Variants in CNOT2 observed in about 807,000 individuals in gnomAD.
CNOT2 encodes the protein CCR4-NOT transcription complex subunit 2.
CNOT2 carries 7 observed loss-of-function variants against 72.1 expected under a neutral mutation model. The ratio of observed to expected loss-of-function variants is 0.10; its 90% CI spans 0.06 to 0.18. CNOT2 has a LOEUF of 0.18. Among genes scored for constraint, CNOT2 ranks in the 10% least tolerant of loss-of-function variants. CNOT2 has a pLI of 1.00. For synonymous variants in CNOT2, 196 were observed against 225.6 expected, an observed-to-expected ratio of 0.87 and a Z score of 1.17; for missense variants, 345 against 660.3, an observed-to-expected ratio of 0.52 and a Z score of 5.23.
At chr12:70,246,768 C>T (rs1290904288) in intron 1 of CNOT2, among the ~76,000 whole-genome samples, 1 of 152,142 alleles carries the variant, frequency 6.6e-6, no homozygotes, top group Admixed American at 6.5e-5. Context: ...GAATTCAACT[C>T]TTATGACTAA....
In CNOT2 at chr12:70,354,694, G is replaced by A. The variant is rs955055519; in HGVS notation, c.*779G>A. On this transcript the variant is annotated 3_prime_UTR_variant, in exon 16 of 16. Transcript: ENST00000229195. ...ATGACATCTATTTTGGAAAATGTTT[G>A]CCCTGCTGTACCTCATTTTTAGGAG... The A allele has an allele frequency of 6.6e-6, 1 of 152,512 alleles. No individual in the cohort carries two copies. The highest frequency in any genetic ancestry group is 1.5e-5 in the Non-Finnish European group (1 of 68,024). The allele number at this position is 152,512 out of a possible 1,614,324, so 9.4% of individuals were successfully genotyped here. A position where few individuals can be genotyped will look rare whatever the true frequency, so the allele number is the denominator to read the frequency against.
rs561799312 is a variant in CNOT2, at chr12:70,307,256, C to G, written c.49-3639C>G. On this transcript the variant is annotated intron_variant, in intron 2 of 15. Coordinates refer to ENST00000229195, the MANE Select transcript of CNOT2 (RefSeq NM_014515.7). ...TACCGTAACTTTTTTACTTTATAAC[C>G]TTTTTAATTTTTTAAAATCTTTTGG... Among the ~76,000 whole-genome samples, 9 of 152,256 alleles carry G rather than the reference C, an allele frequency of 5.9e-5. No individual in the cohort carries two copies. In the East Asian group the frequency reaches 1.7e-3, roughly 29 times the overall value.
intron 2 of CNOT2, among the ~76,000 whole-genome samples, chr12:70,283,929 A>C (rs1477581321): frequency 1.5e-5 from 2 of 137,070 alleles, no homozygotes; most frequent in Non-Finnish European, 3.1e-5. Context: ...TCATGATGTA[A>C]ATTTTTTTTT....
At chr12:70,344,254 T>A in intron 14 of CNOT2, 26 bp downstream of exon 14, 1 of 1,420,864 alleles carries the variant, frequency 7.0e-7, no homozygotes, top group Non-Finnish European at 9.9e-7. Context: ...TTTAATCACT[T>A]TTGTATTATA....
chr12:70,325,572 C>A (rs879643381), intron 4 of CNOT2, among the ~76,000 whole-genome samples: 13 of 151,842 alleles, frequency 8.6e-5, no homozygotes, highest in African/African-American at 1.2e-4. Flanking sequence ...TTATCTGTAA[C>A]CTACTTGGAT....
At chr12:70,269,003 T>C (rs537116317) in intron 1 of CNOT2, among the ~76,000 whole-genome samples, 1 of 152,356 alleles carries the variant, frequency 6.6e-6, no homozygotes, top group African/African-American at 2.4e-5. Context: ...TCATTTTCTT[T>C]TTCAAAGTAG....
At chr12:70,294,307 T>A (rs908187374) in intron 2 of CNOT2, 1 of 1,289,098 alleles carries the variant, frequency 7.8e-7, no homozygotes. Flanking sequence ...AAGTATGTGG[T>A]GGGGAAAGCC....
chr12:70,353,746 A>G (rs1203367767), intron 15 of CNOT2, 83 bp from the exon 16 acceptor site: 1 of 1,553,052 alleles, frequency 6.4e-7, no homozygotes, highest in East Asian at 2.4e-5. Flanking sequence ...TGGGTATTTT[A>G]TTTATTTTTA....
At chr12:70,278,891 A>G (rs748754110) in intron 2 of CNOT2, among the ~76,000 whole-genome samples, 3 of 152,190 alleles carry the variant, frequency 2.0e-5, no homozygotes, top group Non-Finnish European at 4.4e-5. Flanking sequence ...CTGAGCTTTG[A>G]AAAGAAGGTG....
chr12:70,307,061 C>T (rs12298238), intron 2 of CNOT2, among the ~76,000 whole-genome samples: 2,070 of 152,172 alleles, frequency 0.014, 47 homozygotes, highest in African/African-American at 0.047. Context: ...TTATCATAAA[C>T]GGAGCTTGCA....
intron 3 of CNOT2, among the ~76,000 whole-genome samples, chr12:70,318,508 T>C (rs771654615): frequency 2.0e-5 from 3 of 151,958 alleles, no homozygotes; most frequent in Non-Finnish European, 4.4e-5. Flanking sequence ...TTATACTCAC[T>C]GCATATTCTT....
intron 1 of CNOT2, among the ~76,000 whole-genome samples, chr12:70,265,217 T>C (rs1310612584): frequency 6.6e-6 from 1 of 152,130 alleles, no homozygotes; most frequent in Non-Finnish European, 1.5e-5. Flanking sequence ...ACTTCTTCTT[T>C]AAGTGTTTTG....
intron 1 of CNOT2, among the ~76,000 whole-genome samples, chr12:70,273,809 A>G (rs78653724): frequency 0.012 from 1,899 of 152,240 alleles, 38 homozygotes; most frequent in African/African-American, 0.043. Context: ...AATTTTGTGT[A>G]TCAGATGTGT....
chr12:70,286,434 A>C (rs551731924), intron 2 of CNOT2, among the ~76,000 whole-genome samples: 2 of 150,036 alleles, frequency 1.3e-5, no homozygotes, highest in African/African-American at 4.8e-5. Flanking sequence ...ATTTTTGTAC[A>C]TGGTGTTAGA....
At chr12:70,267,376 A>G (rs1024811629) in intron 1 of CNOT2, among the ~76,000 whole-genome samples, 1 of 152,122 alleles carries the variant, frequency 6.6e-6, no homozygotes, top group East Asian at 1.9e-4. Flanking sequence ...CTGTTTTCAC[A>G]TGGTCTTCTT....
At chr12:70,325,546 G>A (rs1437397088) in intron 4 of CNOT2, among the ~76,000 whole-genome samples, 1 of 151,842 alleles carries the variant, frequency 6.6e-6, no homozygotes, top group African/African-American at 2.4e-5. Flanking sequence ...GTCACTTAAT[G>A]CCTAGTGTGA....
intron 6 of CNOT2, 45 bp downstream of exon 6, chr12:70,330,514 A>G (rs1477640581): frequency 7.1e-7 from 1 of 1,407,220 alleles, no homozygotes; most frequent in African/African-American, 1.4e-5. Flanking sequence ...TTCTGGGTAT[A>G]CTCAGATTTG....
intron 2 of CNOT2, among the ~76,000 whole-genome samples, chr12:70,291,045 G>A (rs897468827): frequency 6.6e-6 from 1 of 152,096 alleles, no homozygotes. Context: ...ATGAATTCCA[G>A]TTCTTATGTA....
Position 70,332,933 on chromosome 12 carries a change from C to T in CNOT2, c.649+87C>T, listed in dbSNP as rs1053069069. ...AATTCAACATACTGGTCTTTAAATA[C>T]GGTAGGATTTTTTATTATGTTAGAT... is the stretch of plus-strand genomic sequence containing the variant. On this transcript the variant is annotated intron_variant, in intron 7 of 15. Coordinates refer to ENST00000229195, the MANE Select transcript of CNOT2 (RefSeq NM_014515.7). 5.8e-5 allele frequency: 81 copies of T among 1,386,804 alleles called. 1 individual carries two copies. The highest frequency in any genetic ancestry group is 1.2e-4 in the African/African-American group (8 of 67,130). The allele number at this position is 1,386,804 out of a possible 1,614,324, so 85.9% of individuals were successfully genotyped here. A position where few individuals can be genotyped will look rare whatever the true frequency, so the allele number is the denominator to read the frequency against.
Sources: allele counts gnomAD v4.1 joint callset (sites outside exome capture counted in the v4.1 genomes callset), GRCh38; gene constraint gnomAD v4.1.1; transcripts MANE v1.5; gene names NCBI Gene and HGNC (gene_info 2026-07-23, HGNC 2026-07-21).